Variants in THEMIS observed in about 807,000 individuals in gnomAD.
THEMIS encodes protein THEMIS.
THEMIS carries 37 observed loss-of-function variants against 52.6 expected under a neutral mutation model. The ratio of observed to expected loss-of-function variants is 0.70; its 90% confidence interval spans 0.54 to 0.93. The LOEUF (loss-of-function observed/expected upper bound fraction) is 0.93. THEMIS is among the 40% of genes least tolerant of loss of function. The pLI, the probability that THEMIS is intolerant of heterozygous loss-of-function variation, is 0.00. For synonymous variants in THEMIS, 292 were observed against 272.7 expected (o/e 1.07, Z -0.70); for missense variants, 808 against 763.1 (o/e 1.06, Z -0.69).
intron 4 of THEMIS, among the ~76,000 whole-genome samples, chr6:127,795,252 TATC>T (rs1777287965): frequency 6.6e-6 from 1 of 152,194 alleles, no homozygotes; most frequent in African/African-American, 2.4e-5. Flanking sequence ...GAAAACCAAG[TATC>T]ATAAAAATTC....
intron 1 of THEMIS, among the ~76,000 whole-genome samples, chr6:127,861,916 G>A (rs548646685): frequency 2.0e-5 from 3 of 151,662 alleles, no homozygotes; most frequent in Admixed American, 2.0e-4. Flanking sequence ...CTTATATTGT[G>A]CATTTTAAAA....
chr6:127,914,219 A>C (rs1159130750), intron 1 of THEMIS, among the ~76,000 whole-genome samples: 1 of 152,202 alleles, frequency 6.6e-6, no homozygotes, highest in Admixed American at 6.5e-5. Context: ...GTTGGTGCTC[A>C]AAAAGTTTCA....
chr6:127,869,023 C>G (rs750433002), intron 1 of THEMIS, among the ~76,000 whole-genome samples: 1 of 151,928 alleles, frequency 6.6e-6, no homozygotes, highest in African/African-American at 2.4e-5. Flanking sequence ...TACAAATATA[C>G]GATTGCAAAG....
intron 4 of THEMIS, among the ~76,000 whole-genome samples, chr6:127,745,481 G>T (rs542687504): frequency 6.6e-6 from 1 of 151,698 alleles, no homozygotes; most frequent in East Asian, 1.9e-4. Flanking sequence ...TAACAGTATG[G>T]ATATGGCATT....
intron 4 of THEMIS, among the ~76,000 whole-genome samples, chr6:127,801,171 T>C (rs1391596583): frequency 6.6e-6 from 1 of 152,224 alleles, no homozygotes; most frequent in Non-Finnish European, 1.5e-5. Flanking sequence ...AGTGACTCTA[T>C]ACATAATACC....
In THEMIS at chr6:127,744,842, TACAC is replaced by T. The variant is rs112041681; in HGVS notation, c.1759-25023_1759-25020del. ...CATGTCAAGTGTACTTACACACACA[TACAC>T]ACACACACACACACATTAGCAAAAA... On this transcript the variant is annotated intron_variant, in intron 4 of 5. Coordinates refer to ENST00000368248, the MANE Select transcript of THEMIS (RefSeq NM_001010923.3). Among the ~76,000 whole-genome samples, 30 of 149,384 alleles carry T rather than the reference TACAC, an allele frequency of 2.0e-4. No homozygotes were observed. In the South Asian group the frequency reaches 4.2e-3, roughly 21 times the overall value.
At chr6:127,781,713 C>T (rs953565910) in intron 4 of THEMIS, among the ~76,000 whole-genome samples, 2 of 152,132 alleles carry the variant, frequency 1.3e-5, no homozygotes, top group Non-Finnish European at 2.9e-5. Flanking sequence ...GCCTGGGTAT[C>T]ACCAGTGGAG....
chr6:127,858,944 T>C (rs759821505), intron 1 of THEMIS, among the ~76,000 whole-genome samples: 5 of 152,144 alleles, frequency 3.3e-5, no homozygotes, highest in Non-Finnish European at 5.9e-5. Flanking sequence ...AATGCTACTT[T>C]GCTCAATAAA....
At chr6:127,910,383 G>A (rs914772619) in intron 1 of THEMIS, among the ~76,000 whole-genome samples, 12 of 151,996 alleles carry the variant, frequency 7.9e-5, no homozygotes, top group African/African-American at 2.9e-4. Flanking sequence ...TTTGTTATTA[G>A]GGAAGAAAAT....
intron 5 of THEMIS, among the ~76,000 whole-genome samples, chr6:127,718,066 T>A (rs1774233293): frequency 6.6e-6 from 1 of 151,802 alleles, no homozygotes. Flanking sequence ...ATGAAGAACA[T>A]ATACTATATT....
At chr6:127,797,415 A>G (rs542417113) in intron 4 of THEMIS, among the ~76,000 whole-genome samples, 2 of 152,286 alleles carry the variant, frequency 1.3e-5, no homozygotes, top group South Asian at 2.1e-4. Context: ...GTCCCTTTCA[A>G]TCTCTCAAGT....
intron 4 of THEMIS, among the ~76,000 whole-genome samples, chr6:127,774,916 TA>T (rs1474279726): frequency 1.3e-5 from 2 of 152,122 alleles, no homozygotes; most frequent in Non-Finnish European, 2.9e-5. Flanking sequence ...AGAAACCAGC[TA>T]TATGCCCACA....
chr6:127,823,047 G>T (rs1778393574), intron 3 of THEMIS, among the ~76,000 whole-genome samples: 1 of 151,976 alleles, frequency 6.6e-6, no homozygotes, highest in Non-Finnish European at 1.5e-5. Flanking sequence ...GTATAATTAG[G>T]TATATTTAGC....
intron 1 of THEMIS, among the ~76,000 whole-genome samples, chr6:127,876,173 A>G (rs1780308228): frequency 1.3e-5 from 2 of 152,230 alleles, no homozygotes; most frequent in South Asian, 4.1e-4. Flanking sequence ...GAGACACTAC[A>G]GGCAATGAAA....
chr6:127,764,070 G>T (rs1182034655), intron 4 of THEMIS, among the ~76,000 whole-genome samples: 1 of 151,924 alleles, frequency 6.6e-6, no homozygotes, highest in Non-Finnish European at 1.5e-5. Flanking sequence ...AGTTTAGAAA[G>T]AAAGACACAG....
the THEMIS span, among the ~76,000 whole-genome samples, chr6:127,698,904 T>C: frequency 1.3e-5 from 2 of 152,060 alleles, no homozygotes; most frequent in African/African-American, 4.8e-5. Flanking sequence ...TGTTAATTTT[T>C]CACTTTTATC....
chr6:127,726,470 GA>G (rs1389799373), intron 4 of THEMIS, among the ~76,000 whole-genome samples: 2 of 152,066 alleles, frequency 1.3e-5, no homozygotes, highest in Admixed American at 1.3e-4. Flanking sequence ...CTGTGGGAAA[GA>G]AATTCTTCAT....
intron 2 of THEMIS, among the ~76,000 whole-genome samples, chr6:127,831,672 T>C (rs1161316835): frequency 6.6e-6 from 1 of 152,192 alleles, no homozygotes; most frequent in Non-Finnish European, 1.5e-5. Flanking sequence ...TTGGTGATTT[T>C]TAGATATAAA....
chr6:127,720,298 G>T, intron 4 of THEMIS, among the ~76,000 whole-genome samples: 1 of 151,754 alleles, frequency 6.6e-6, no homozygotes, highest in East Asian at 1.9e-4. Flanking sequence ...TCAGCATTAT[G>T]CAAATTTGAC....
Sources: gnomAD v4.1 joint callset for allele counts (sites outside exome capture counted in the v4.1 genomes callset) on GRCh38, gnomAD v4.1.1 for gene constraint, MANE v1.5 for transcripts, NCBI Gene and HGNC (gene_info 2026-07-23, HGNC 2026-07-21) for gene names.